TRAPPC9: variants seen among roughly 807,000 people sequenced by gnomAD.
TRAPPC9 encodes IKK2 binding protein.
A neutral mutation model predicts 124.0 loss-of-function variants in TRAPPC9; 83 were observed. That is an observed-to-expected ratio of 0.67 (90% confidence interval 0.56 to 0.80). The LOEUF is 0.80. TRAPPC9 is among the 30% of genes least tolerant of loss of function. The pLI, the probability that TRAPPC9 is intolerant of heterozygous loss-of-function variation, is 0.00. For synonymous variants in TRAPPC9, 638 were observed against 617.5 expected, an observed-to-expected ratio of 1.03 and a Z score of -0.49; for missense variants, 1,302 against 1,508.3, an observed-to-expected ratio of 0.86 and a Z score of 2.27.
chr8:139,834,960 T>C (rs895261592), intron 21 of TRAPPC9, among the ~76,000 whole-genome samples: 1 of 152,170 alleles, frequency 6.6e-6, no homozygotes, highest in Non-Finnish European at 1.5e-5. Context: ...CTATCCCACC[T>C]GTTGAGGATT....
chr8:140,095,716 G>C (rs1043936385), intron 17 of TRAPPC9: 10 of 152,374 alleles, frequency 6.6e-5, no homozygotes, highest in South Asian at 2.1e-4. Context: ...TAGAGGGACT[G>C]AGAAGAGGGT....
intron 21 of TRAPPC9, among the ~76,000 whole-genome samples, chr8:139,765,850 T>C (rs933439972): frequency 1.3e-5 from 2 of 152,162 alleles, no homozygotes; most frequent in South Asian, 2.1e-4. Flanking sequence ...TCACCCAGCC[T>C]GGCACAGGGC....
At chr8:140,329,059 G>A (rs1273096568) in intron 9 of TRAPPC9, among the ~76,000 whole-genome samples, 2 of 152,036 alleles carry the variant, frequency 1.3e-5, no homozygotes, top group African/African-American at 2.4e-5. Context: ...AAAGTATACC[G>A]GGCACAAGCG....
At chr8:140,294,477 T>C (rs1362358712) in intron 11 of TRAPPC9, among the ~76,000 whole-genome samples, 1 of 152,240 alleles carries the variant, frequency 6.6e-6, no homozygotes, top group East Asian at 1.9e-4. Context: ...ATGATGATGA[T>C]GATGATGATA....
At chr8:140,272,359 G>GGTGTA (rs1554658164) in intron 15 of TRAPPC9, among the ~76,000 whole-genome samples, 2 of 131,520 alleles carry the variant, frequency 1.5e-5, no homozygotes, top group African/African-American at 7.6e-5. Flanking sequence ...TGGAGAGAGT[G>GGTGTA]GTGGTAGTGA....
intron 1 of TRAPPC9, among the ~76,000 whole-genome samples, chr8:140,452,419 C>CAAAAAAAAAAAAAAAAA (rs1161960216): frequency 2.5e-5 from 1 of 40,450 alleles, no homozygotes; most frequent in Non-Finnish European, 5.7e-5. Context: ...GACTGCATCT[C>CAAAAAAAAAAAAAAAAA]AAAAAAAAAA....
Position 139,910,172 on chromosome 8 carries a change from C to A in TRAPPC9, c.2939G>T (p.Ser980Ile). ...GATTCTCCAGCAGATGCCCAGCTTG[C>A]TGTGGATCTCCAGGCCTCGGGCTTC... is the stretch of plus-strand genomic sequence containing the variant. ...RREARGLEIHSKLGICWRIPS... is the reference protein window; with the variant it reads ...RREARGLEIHIKLGICWRIPS... Residue 980 changes from serine to isoleucine, a missense_variant, in exon 20 of 23, where the codon AGC becomes ATC. Coordinates refer to ENST00000438773, the MANE Select transcript of TRAPPC9 (RefSeq NM_001160372.4). 6.2e-7 allele frequency: 1 copy of A among 1,614,214 alleles called. No homozygotes were observed. Among genetic ancestry groups the A allele is most frequent in the Non-Finnish European group, 8.5e-7 (1 of 1,180,044 alleles).
chr8:140,230,785 AG>A (rs898152288), intron 16 of TRAPPC9, among the ~76,000 whole-genome samples: 12 of 82,654 alleles, frequency 1.5e-4, no homozygotes, highest in African/African-American at 3.7e-4. Context: ...TCAAAAAAAA[AG>A]AAAAAAAAAG....
intron 20 of TRAPPC9, among the ~76,000 whole-genome samples, chr8:139,890,222 G>A (rs1830250936): frequency 6.6e-6 from 1 of 152,256 alleles, no homozygotes; most frequent in African/African-American, 2.4e-5. Context: ...CATGACCTGT[G>A]TGGTCCCTTC....
chr8:140,217,634 C>T (rs1329505521), intron 17 of TRAPPC9, among the ~76,000 whole-genome samples: 4 of 152,178 alleles, frequency 2.6e-5, no homozygotes, highest in African/African-American at 9.7e-5. Context: ...CCAAAATTCC[C>T]GGGGCCTGCC....
At chr8:140,364,960 C>T (rs2068067153) in intron 8 of TRAPPC9, among the ~76,000 whole-genome samples, 1 of 150,506 alleles carries the variant, frequency 6.6e-6, no homozygotes, top group Non-Finnish European at 1.5e-5. Context: ...TAGGGCAGAC[C>T]CCTCCCTGGC....
chr8:139,862,025 C>T (rs1828198449), intron 21 of TRAPPC9, among the ~76,000 whole-genome samples: 1 of 152,256 alleles, frequency 6.6e-6, no homozygotes, highest in African/African-American at 2.4e-5. Context: ...AATGCAAGAC[C>T]ATCAGGTGCC....
At chr8:139,831,150 C>T (rs997931868) in intron 21 of TRAPPC9, among the ~76,000 whole-genome samples, 3 of 152,258 alleles carry the variant, frequency 2.0e-5, no homozygotes, top group South Asian at 2.1e-4. Flanking sequence ...ACCCAGGGCA[C>T]GCAGGCTCCA....
chr8:139,852,180 C>T (rs1033727639), intron 21 of TRAPPC9, among the ~76,000 whole-genome samples: 1 of 152,206 alleles, frequency 6.6e-6, no homozygotes, highest in African/African-American at 2.4e-5. Context: ...ACTTGCTCCT[C>T]CTTGCCTTCC....
chr8:140,092,912 T>C (rs2130208463), intron 17 of TRAPPC9, among the ~76,000 whole-genome samples: 1 of 152,372 alleles, frequency 6.6e-6, no homozygotes, highest in East Asian at 1.9e-4. Context: ...CCCTCTAGGC[T>C]TTATTTTCCT....
chr8:140,352,216 C>T (rs1208862972), intron 9 of TRAPPC9, among the ~76,000 whole-genome samples: 1 of 152,204 alleles, frequency 6.6e-6, no homozygotes, highest in East Asian at 1.9e-4. Context: ...TGTGGTGTGG[C>T]TGCACAACCC....
chr8:139,841,863 C>T (rs906061358), intron 21 of TRAPPC9, among the ~76,000 whole-genome samples: 6 of 152,316 alleles, frequency 3.9e-5, no homozygotes, highest in African/African-American at 1.4e-4. Flanking sequence ...CCCCAGCTGC[C>T]TGCACAACAC....
intron 5 of TRAPPC9, among the ~76,000 whole-genome samples, chr8:140,419,774 T>C (rs1239302324): frequency 6.6e-6 from 1 of 151,854 alleles, no homozygotes; most frequent in Non-Finnish European, 1.5e-5. Context: ...TAGTCCCAGC[T>C]ACTCGGGAGG....
intron 16 of TRAPPC9, among the ~76,000 whole-genome samples, chr8:140,222,413 G>A (rs1053335177): frequency 6.6e-6 from 1 of 152,204 alleles, no homozygotes; most frequent in African/African-American, 2.4e-5. Context: ...AATCCTGCTA[G>A]CTCTGAGAGT....
Sources: gnomAD v4.1 joint callset for allele counts (sites outside exome capture counted in the v4.1 genomes callset) on GRCh38, gnomAD v4.1.1 for gene constraint, MANE v1.5 for transcripts, NCBI Gene and HGNC (gene_info 2026-07-23, HGNC 2026-07-21) for gene names.